Variants in TRDN observed in about 807,000 individuals in gnomAD.
TRDN encodes the protein triadin in skeletal muscle.
Under a neutral mutation model 149.7 loss-of-function variants are expected in TRDN, and 161 were observed. The observed-to-expected ratio is 1.08, with a 90% CI of 0.95 to 1.23. The LOEUF is 1.23. Among genes scored for constraint, TRDN ranks in the 50% most tolerant of loss-of-function variants. TRDN has a pLI of 0.00. For missense variants in TRDN, 896 were observed against 823.5 expected, an observed-to-expected ratio of 1.09 and a Z score of -1.08; for synonymous variants, 294 against 250.5, an observed-to-expected ratio of 1.17 and a Z score of -1.64.
intron 24 of TRDN, among the ~76,000 whole-genome samples, chr6:123,307,292 A>G: frequency 6.6e-6 from 1 of 152,018 alleles, no homozygotes; most frequent in East Asian, 1.9e-4. Context: ...TAATTAAAAA[A>G]ATTTCCTCCA....
chr6:123,257,591 T>G (rs1394389210), intron 35 of TRDN, among the ~76,000 whole-genome samples: 2 of 152,226 alleles, frequency 1.3e-5, no homozygotes, highest in African/African-American at 2.4e-5. Flanking sequence ...CCTCCAGCTT[T>G]GTTCTGTTTG....
rs1780061055 is a variant in TRDN, at chr6:123,341,488, C to T, written c.1370-3819G>A. On this transcript the variant is annotated intron_variant, in intron 21 of 40. Coordinates refer to ENST00000334268, the MANE Select transcript of TRDN (RefSeq NM_006073.4). The stretch of plus-strand genomic sequence containing the variant: ...TTAAACTTGGGACTTTTATTTATTT[C>T]ATAGTCTTTATATTTTATTTAAAAA... Among the ~76,000 whole-genome samples the T allele has an allele frequency of 2.0e-5, 3 of 151,612 alleles. No homozygotes were observed. In the South Asian group the frequency reaches 6.2e-4, roughly 31 times the overall value.
chr6:123,475,562 GC>G (rs1777430831), intron 9 of TRDN, among the ~76,000 whole-genome samples: 1 of 114,428 alleles, frequency 8.7e-6, no homozygotes, highest in Admixed American at 9.3e-5. Flanking sequence ...ATTTTATGAG[GC>G]CAGCATCATT....
intron 2 of TRDN, among the ~76,000 whole-genome samples, chr6:123,561,343 C>T (rs1781983884): frequency 6.6e-6 from 1 of 152,190 alleles, no homozygotes; most frequent in South Asian, 2.1e-4. Flanking sequence ...TCACCAAGCT[C>T]AGCCACCAAC....
At chr6:123,260,058 T>C (rs969850080) in intron 34 of TRDN, among the ~76,000 whole-genome samples, 3 of 151,898 alleles carry the variant, frequency 2.0e-5, no homozygotes, top group African/African-American at 7.2e-5. Context: ...CTCACCCTCC[T>C]GAGTAGCCTG....
rs9490764 is a variant in TRDN, at chr6:123,451,536, C to A, written c.932-12533G>T. On this transcript the variant is annotated intron_variant, in intron 10 of 40. Transcript: ENST00000334268. The stretch of plus-strand genomic sequence containing the variant: ...AAATTCCTAGAAAAATACATCCCTC[C>A]TAGTTTAAATCAGGAAGAATTAGAT... 1.5e-3 allele frequency among the ~76,000 whole-genome samples: 235 copies of A among 152,008 alleles called. 1 individual carries two copies. The highest frequency in any genetic ancestry group is 5.4e-3 in the African/African-American group (223 of 41,452).
At chr6:123,612,582 A>G (rs776047178) in intron 1 of TRDN, among the ~76,000 whole-genome samples, 3 of 152,098 alleles carry the variant, frequency 2.0e-5, no homozygotes, top group South Asian at 2.1e-4. Flanking sequence ...TTTTAAGTGC[A>G]GTGGCTGTTC....
chr6:123,537,171 C>T (rs749472970), intron 4 of TRDN, among the ~76,000 whole-genome samples: 1 of 151,788 alleles, frequency 6.6e-6, no homozygotes, highest in African/African-American at 2.4e-5. Context: ...GATTTAAAAC[C>T]GAGCTTAAAG....
chr6:123,248,639 C>T (rs1398089972), intron 38 of TRDN, among the ~76,000 whole-genome samples: 3 of 151,970 alleles, frequency 2.0e-5, no homozygotes, highest in Non-Finnish European at 4.4e-5. Context: ...TACTGATAAA[C>T]TCCTGAAAAC....
At chr6:123,393,891 A>T (rs1772610855) in intron 12 of TRDN, among the ~76,000 whole-genome samples, 1 of 152,194 alleles carries the variant, frequency 6.6e-6, no homozygotes, top group African/African-American at 2.4e-5. Flanking sequence ...ATCATAAGAT[A>T]AAGATTCCAA....
intron 1 of TRDN, among the ~76,000 whole-genome samples, chr6:123,575,032 T>C (rs1299992210): frequency 3.3e-5 from 5 of 151,500 alleles, no homozygotes; most frequent in African/African-American, 1.2e-4. Flanking sequence ...CACTTAATGA[T>C]CCTTCCAATC....
intron 20 of TRDN, among the ~76,000 whole-genome samples, chr6:123,358,048 G>A (rs1172786244): frequency 1.3e-5 from 2 of 152,156 alleles, no homozygotes; most frequent in East Asian, 1.9e-4. Flanking sequence ...GCTCATCTAA[G>A]TAAGTGAATT....
intron 21 of TRDN, among the ~76,000 whole-genome samples, chr6:123,346,146 G>A (rs1339311665): frequency 6.6e-6 from 1 of 152,012 alleles, no homozygotes; most frequent in Non-Finnish European, 1.5e-5. Flanking sequence ...CCATTAAATA[G>A]AATGTTAGCT....
In TRDN at chr6:123,416,732, C is replaced by T. The variant is rs1020072873; in HGVS notation, c.1051+21331G>A. Among the ~76,000 whole-genome samples the T allele has an allele frequency of 1.8e-4, 25 of 139,538 alleles. 1 individual carries two copies. The highest frequency in any genetic ancestry group is 4.8e-4 in the Admixed American group (6 of 12,438). 91.5% of individuals were successfully genotyped at this position (139,538 alleles called of 152,430 possible). On this transcript the variant is annotated intron_variant, in intron 12 of 40. Transcript: ENST00000334268. ...TTTTTTTTTAGTTGACAGAGTCTTG[C>T]TCTGTTGCACTCAGGCTGGAGTGCA...
intron 2 of TRDN, among the ~76,000 whole-genome samples, chr6:123,560,094 T>C (rs1360926853): frequency 6.6e-6 from 1 of 152,210 alleles, no homozygotes; most frequent in African/African-American, 2.4e-5. Context: ...GACCTTACTG[T>C]TTTAGCCTAG....
rs1777114356 is a variant in TRDN at position 123,268,986 on chromosome 6, C to A, written c.1738+863G>T. Among the ~76,000 whole-genome samples, 3 of 151,826 alleles carry A rather than the reference C, an allele frequency of 2.0e-5. No individual in the cohort carries two copies. In the South Asian group the frequency reaches 6.2e-4, roughly 32 times the overall value. On this transcript the variant is annotated intron_variant, in intron 31 of 40. Transcript: ENST00000334268. ...ATAGCCTAAACCACTTATATGTATT[C>A]CTAAGCTGTGTCACACGTTCACCTT...
chr6:123,332,681 T>A (rs1184835648), intron 22 of TRDN, among the ~76,000 whole-genome samples: 1 of 152,076 alleles, frequency 6.6e-6, no homozygotes, highest in East Asian at 1.9e-4. Flanking sequence ...ATAAAGATTT[T>A]ATGGATGAAA....
intron 1 of TRDN, among the ~76,000 whole-genome samples, chr6:123,584,778 A>T (rs1367684014): frequency 1.3e-5 from 2 of 152,190 alleles, no homozygotes; most frequent in Admixed American, 1.3e-4. Context: ...AGCATGTTTG[A>T]GATCCAGAAC....
intron 24 of TRDN, among the ~76,000 whole-genome samples, chr6:123,312,993 C>A (rs1778890055): frequency 6.6e-6 from 1 of 151,920 alleles, no homozygotes; most frequent in South Asian, 2.1e-4. Context: ...TGCCTTAATG[C>A]TGATTTATCT....
Sources: allele counts gnomAD v4.1 joint callset (sites outside exome capture counted in the v4.1 genomes callset), GRCh38; gene constraint gnomAD v4.1.1; transcripts MANE v1.5; gene names NCBI Gene and HGNC (gene_info 2026-07-23, HGNC 2026-07-21).